The following TPST2 variants were observed in gnomAD, a reference collection of about 807,000 sequenced individuals.
TPST2 encodes tyrosylprotein sulfotransferase 2.
Under a neutral mutation model 27.8 loss-of-function variants are expected in TPST2, and 16 were observed. That is an observed-to-expected ratio of 0.58 (90% CI 0.39 to 0.88). The LOEUF (loss-of-function observed/expected upper bound fraction) is 0.88, where lower values mean the gene tolerates loss of function less well. Ranked by LOEUF, TPST2 falls within the 40% of genes least tolerant of loss-of-function variation. The pLI, the probability that TPST2 is intolerant of heterozygous loss-of-function variation, is 0.00. For synonymous variants in TPST2, 229 were observed against 231.7 expected, an observed-to-expected ratio of 0.99 and a Z score of 0.10; for missense variants, 464 against 543.1, an observed-to-expected ratio of 0.85 and a Z score of 1.45.
chr22:26,565,903 T>C (rs757979392), intron 1 of TPST2, among the ~76,000 whole-genome samples: 1 of 152,132 alleles, frequency 6.6e-6, no homozygotes, highest in African/African-American at 2.4e-5. Flanking sequence ...AAATGGCTAA[T>C]CTGTACAGAG....
At chr22:26,563,467 T>TA (rs985691418) in intron 1 of TPST2, among the ~76,000 whole-genome samples, 1 of 152,024 alleles carries the variant, frequency 6.6e-6, no homozygotes, top group African/African-American at 2.4e-5. Flanking sequence ...TAGCTGGGAC[T>TA]ACAGGCACCC....
chr22:26,570,196 C>T (rs183723443), intron 1 of TPST2, among the ~76,000 whole-genome samples: 7 of 152,040 alleles, frequency 4.6e-5, no homozygotes, highest in Non-Finnish European at 1.0e-4. Flanking sequence ...TTTTTTTTCC[C>T]GGCTGCTGCA....
chr22:26,538,093 G>C (rs1213627628), intron 3 of TPST2, among the ~76,000 whole-genome samples: 1 of 152,240 alleles, frequency 6.6e-6, no homozygotes, highest in Non-Finnish European at 1.5e-5. Context: ...GGGCCTGACA[G>C]GATGAATGGT....
chr22:26,570,691 C>T (rs1414897884), intron 1 of TPST2, among the ~76,000 whole-genome samples: 2 of 151,302 alleles, frequency 1.3e-5, no homozygotes, highest in Admixed American at 6.6e-5. Flanking sequence ...CCTCCCTGCA[C>T]CTGGGTGTTG....
At chr22:26,526,295 T>G (rs1924832329) in intron 6 of TPST2, 28 bp from the exon 7 acceptor site, 1 of 152,226 alleles carries the variant, frequency 6.6e-6, no homozygotes, top group Non-Finnish European at 1.5e-5. Flanking sequence ...TGTGTTAGGC[T>G]CAGAGTAACA....
At chr22:26,534,867 T>A (rs1925361524) in intron 4 of TPST2, among the ~76,000 whole-genome samples, 1 of 151,930 alleles carries the variant, frequency 6.6e-6, no homozygotes, top group Non-Finnish European at 1.5e-5. Context: ...AAAATAAAAA[T>A]TAATAATATT....
intron 5 of TPST2, among the ~76,000 whole-genome samples, chr22:26,528,514 C>G (rs890128957): frequency 2.6e-5 from 4 of 152,168 alleles, no homozygotes; most frequent in African/African-American, 9.6e-5. Context: ...AAATGTCAAA[C>G]TTGGGCAATA....
intron 5 of TPST2, among the ~76,000 whole-genome samples, chr22:26,528,780 T>C (rs1924982187): frequency 6.6e-6 from 1 of 152,044 alleles, no homozygotes; most frequent in South Asian, 2.1e-4. Context: ...GTCAGGAGTT[T>C]GAGACCAGCC....
intron 1 of TPST2, among the ~76,000 whole-genome samples, chr22:26,580,788 G>A (rs181856621): frequency 6.6e-6 from 1 of 152,246 alleles, no homozygotes; most frequent in Non-Finnish European, 1.5e-5. Flanking sequence ...GGAGTCTGGG[G>A]AGAAGCACTA....
rs1397776703 is a variant in TPST2, at chr22:26,544,409, C to T, written c.-89+195G>A. Among the ~76,000 whole-genome samples, 6 of 152,214 alleles carry T rather than the reference C, an allele frequency of 3.9e-5. No individual in the cohort carries two copies. The East Asian group carries it at 1.2e-3, about 29-fold the overall frequency. ...ATAGACAAGGAAGATGCTCATCTCT[C>T]TATGATGCTTGCTGGGATGCAGCTT... On this transcript the variant is annotated intron_variant, in intron 2 of 6. Transcript: ENST00000338754.
Position 26,540,887 on chromosome 22 carries a change from T to C in TPST2, c.744A>G (p.Ser248=). 3.1e-6 allele frequency: 5 copies of C among 1,614,134 alleles called. No individual in the cohort carries two copies. Among genetic ancestry groups the C allele is most frequent in the Non-Finnish European group, 3.4e-6 (4 of 1,180,012 alleles). ...CGAGGAAGTCGAGGATGAGCTTGAG[T>C]GAGCGCCTGGGGTGCAGCACCAGCT... is the stretch of plus-strand genomic sequence containing the variant. The part of the protein sequence containing the change: ...YEQLVLHPRR[S]LKLILDFLGI... The change falls in exon 3 of 7, where the codon TCA becomes TCG. Residue 248 remains serine (S), a synonymous_variant. Transcript: ENST00000338754.
At chr22:26,559,734 T>C (rs1464720708) in intron 1 of TPST2, among the ~76,000 whole-genome samples, 5 of 152,240 alleles carry the variant, frequency 3.3e-5, no homozygotes, top group Admixed American at 6.5e-5. Flanking sequence ...AAATTTTGCA[T>C]TAAAATATTA....
At chr22:26,574,051 T>C (rs763090) in intron 1 of TPST2, among the ~76,000 whole-genome samples, 90,478 of 151,886 alleles carry the variant, frequency 0.6, 27,289 homozygotes, top group East Asian at 0.78. Flanking sequence ...GGGACAGATT[T>C]ACAATTGGGG....
Position 26,540,697 on chromosome 22 carries a change from C to T in TPST2, c.842+92G>A, listed in dbSNP as rs182999439. 1.9e-3 allele frequency: 2,389 copies of T among 1,281,582 alleles called. 4 individuals are homozygous for T. Among genetic ancestry groups the T allele is most frequent in the Non-Finnish European group, 2.1e-3 (1,969 of 951,600 alleles). The allele number at this position is 1,281,582 out of a possible 1,614,324, so 79.4% of individuals were successfully genotyped here. ...AGATATAGTGACTTGCCCAAGGCCACACAGCTCAAGAAAGGCAGTGCTGAT... is the reference window on the plus strand; with the variant it reads ...AGATATAGTGACTTGCCCAAGGCCATACAGCTCAAGAAAGGCAGTGCTGAT... On this transcript the variant is annotated intron_variant, in intron 3 of 6. Transcript: ENST00000338754.
chr22:26,549,934 G>C (rs1206586549), intron 1 of TPST2, among the ~76,000 whole-genome samples: 1 of 150,660 alleles, frequency 6.6e-6, no homozygotes, highest in African/African-American at 2.4e-5. Context: ...CAGCTACTCA[G>C]GAGGCTAAGG....
At chr22:26,549,755 G>T (rs1255945511) in intron 1 of TPST2, among the ~76,000 whole-genome samples, 1 of 150,890 alleles carries the variant, frequency 6.6e-6, no homozygotes, top group Non-Finnish European at 1.5e-5. Context: ...ATTTCAGCAG[G>T]TGTGGTGACT....
intron 1 of TPST2, chr22:26,547,417 A>G (rs945907827): frequency 2.0e-5 from 3 of 152,024 alleles, no homozygotes; most frequent in South Asian, 4.2e-4. Flanking sequence ...TTCTTGTAGG[A>G]GGAATATATT....
chr22:26,539,562 A>C (rs1218370942), intron 3 of TPST2, among the ~76,000 whole-genome samples: 1 of 151,356 alleles, frequency 6.6e-6, no homozygotes, highest in African/African-American at 2.4e-5. Flanking sequence ...CAGGGGTTGG[A>C]GACCAGCCTG....
At chr22:26,529,018 G>A (rs147260196) in intron 5 of TPST2, among the ~76,000 whole-genome samples, 2 of 150,718 alleles carry the variant, frequency 1.3e-5, no homozygotes, top group Non-Finnish European at 3.0e-5. Context: ...AAAACAAAAC[G>A]TATCTTTTGC....
Sources: allele counts gnomAD v4.1 joint callset (sites outside exome capture counted in the v4.1 genomes callset), GRCh38; gene constraint gnomAD v4.1.1; transcripts MANE v1.5; gene names NCBI Gene and HGNC (gene_info 2026-07-23, HGNC 2026-07-21).